The following NELL1 variants were observed in gnomAD, a reference collection of about 807,000 sequenced individuals.
NELL1 encodes protein kinase C-binding protein NELL1.
NELL1 carries 76 observed loss-of-function variants against 107.4 expected under a neutral mutation model. The ratio of observed to expected loss-of-function variants is 0.71; its 90% CI spans 0.59 to 0.86. The LOEUF is 0.86. Ranked by LOEUF, NELL1 falls within the 40% of genes least tolerant of loss-of-function variation. The pLI, the probability that NELL1 is intolerant of heterozygous loss-of-function variation, is 0.00. For missense variants in NELL1, 1,024 were observed against 1,005.5 expected (o/e 1.02, Z -0.25); for synonymous variants, 353 against 341.2 (o/e 1.03, Z -0.38).
intron 4 of NELL1, among the ~76,000 whole-genome samples, chr11:20,873,033 G>A (rs1849233992): frequency 6.6e-6 from 1 of 152,172 alleles, no homozygotes; most frequent in Non-Finnish European, 1.5e-5. Context: ...TATGTGAGCA[G>A]CAGGCTTTTG....
chr11:20,879,696 T>C (rs1564947250), intron 4 of NELL1, among the ~76,000 whole-genome samples: 1 of 152,166 alleles, frequency 6.6e-6, no homozygotes, highest in African/African-American at 2.4e-5. Context: ...TCCAATCTTA[T>C]GTGAGTTTAT....
chr11:20,951,789 C>T (rs1851073811), intron 11 of NELL1, among the ~76,000 whole-genome samples: 1 of 152,106 alleles, frequency 6.6e-6, no homozygotes, highest in Admixed American at 6.5e-5. Context: ...CCACCCAGAA[C>T]ATCCTTAATC....
chr11:21,519,165 C>T (rs769925350), intron 15 of NELL1, among the ~76,000 whole-genome samples: 1 of 152,196 alleles, frequency 6.6e-6, no homozygotes, highest in African/African-American at 2.4e-5. Flanking sequence ...CCCACTGCCA[C>T]TCCATCTCCA....
chr11:21,314,009 C>G lies in NELL1; in HGVS notation c.1550-56844C>G, dbSNP rs1471237716. Among the ~76,000 whole-genome samples the G allele has an allele frequency of 8.2e-4, 78 of 95,450 alleles. 4 individuals carry two copies. Among genetic ancestry groups the G allele is most frequent in the Non-Finnish European group, 1.4e-3 (66 of 47,700 alleles). The allele number at this position is 95,450 out of a possible 152,430, so 62.6% of individuals were successfully genotyped here. A position where few individuals can be genotyped will look rare whatever the true frequency, so the allele number is the denominator to read the frequency against. On this transcript the variant is annotated intron_variant, in intron 14 of 19. Transcript: ENST00000357134. The stretch of plus-strand genomic sequence containing the variant: ...TACACTCTGCCCCCCCCCCCCCCCC[C>G]GCGACCCCCACTTGCTCCTGCTTTT...
chr11:21,307,777 C>T (rs574224569), intron 14 of NELL1, among the ~76,000 whole-genome samples: 1 of 151,956 alleles, frequency 6.6e-6, no homozygotes, highest in East Asian at 1.9e-4. Flanking sequence ...AAAAGAGAGG[C>T]CTATATGAAC....
intron 12 of NELL1, among the ~76,000 whole-genome samples, chr11:21,001,537 A>G (rs1852221087): frequency 6.6e-6 from 1 of 151,788 alleles, no homozygotes; most frequent in African/African-American, 2.4e-5. Flanking sequence ...CTGGAGTTAC[A>G]TTCCAGATAT....
intron 15 of NELL1, among the ~76,000 whole-genome samples, chr11:21,435,503 G>GTT (rs71034522): frequency 5.6e-4 from 78 of 139,354 alleles, no homozygotes; most frequent in East Asian, 1.5e-3. Flanking sequence ...TTTGTTTTTT[G>GTT]TTTTTTTTTA....
rs192599781 is a variant in NELL1 at position 21,386,180 on chromosome 11, C to T, written c.1645+15232C>T. Among the ~76,000 whole-genome samples, 945 of 150,926 alleles carry T rather than the reference C, an allele frequency of 6.3e-3. 12 individuals carry two copies. Among genetic ancestry groups the T allele is most frequent in the African/African-American group, 0.021 (884 of 41,138 alleles). ...TTCCCTTTCTAATCACCCCCACCCC[C>T]GCCAAAAAAAAACCCTTCAAAGTAT... is the stretch of plus-strand genomic sequence containing the variant. On this transcript the variant is annotated intron_variant, in intron 15 of 19. Transcript: ENST00000357134.
intron 12 of NELL1, among the ~76,000 whole-genome samples, chr11:20,993,925 G>A (rs1852034683): frequency 6.6e-6 from 1 of 150,580 alleles, no homozygotes; most frequent in Non-Finnish European, 1.5e-5. Flanking sequence ...GTACGAATCA[G>A]GCATTACCAT....
intron 15 of NELL1, among the ~76,000 whole-genome samples, chr11:21,408,499 A>G (rs1488016545): frequency 2.6e-5 from 4 of 152,058 alleles, no homozygotes; most frequent in African/African-American, 9.7e-5. Flanking sequence ...AGACATATAG[A>G]TACTGGATCA....
chr11:20,707,403 T>C (rs759962848), intron 2 of NELL1, among the ~76,000 whole-genome samples: 9 of 152,250 alleles, frequency 5.9e-5, no homozygotes, highest in Non-Finnish European at 1.3e-4. Flanking sequence ...CTTTGTTCCA[T>C]TGCTGGCAAG....
intron 12 of NELL1, among the ~76,000 whole-genome samples, chr11:20,975,532 A>T (rs1283988822): frequency 6.9e-6 from 1 of 145,932 alleles, no homozygotes; most frequent in African/African-American, 2.5e-5. Context: ...TATATTCAAT[A>T]TATTATGTAT....
chr11:21,082,530 A>G (rs1449139692), intron 12 of NELL1, among the ~76,000 whole-genome samples: 1 of 151,998 alleles, frequency 6.6e-6, no homozygotes, highest in African/African-American at 2.4e-5. Context: ...TCCTCTCTAT[A>G]CTGTTAAATT....
At position 20,861,342 on chromosome 11, in the gene NELL1, G is replaced by T. The variant is rs140367262; in HGVS notation, c.506+13589G>T. 4.0e-3 allele frequency among the ~76,000 whole-genome samples: 609 copies of T among 152,046 alleles called. 4 individuals are homozygous for T. Among genetic ancestry groups the T allele is most frequent in the African/African-American group, 0.014 (570 of 41,450 alleles). ...CGGAATATCAGCCTGATTCACTATT[G>T]ATCTGCAGCGGGAACATATTCAGGA... On this transcript the variant is annotated intron_variant, in intron 4 of 19. Transcript: ENST00000357134.
chr11:20,832,655 T>G (rs997258902), intron 3 of NELL1, among the ~76,000 whole-genome samples: 1 of 152,224 alleles, frequency 6.6e-6, no homozygotes, highest in Non-Finnish European at 1.5e-5. Context: ...TGAGAATCAC[T>G]GTAGAAAATA....
At chr11:21,232,320 A>G (rs1362968199) in intron 14 of NELL1, among the ~76,000 whole-genome samples, 2 of 132,894 alleles carry the variant, frequency 1.5e-5, no homozygotes, top group African/African-American at 5.7e-5. Flanking sequence ...ACAGAGCAAC[A>G]CTCCATCTCA....
At position 21,314,004 on chromosome 11, in the gene NELL1, C is replaced by G. The variant is rs913579604; in HGVS notation, c.1550-56849C>G. Among the ~76,000 whole-genome samples the G allele has an allele frequency of 1.3e-3, 150 of 114,216 alleles. 8 individuals carry two copies. Among genetic ancestry groups the G allele is most frequent in the African/African-American group, 2.7e-3 (78 of 28,466 alleles). 74.9% of individuals were successfully genotyped at this position (114,216 alleles called of 152,430 possible). A position where few individuals can be genotyped will look rare whatever the true frequency, so the allele number is the denominator to read the frequency against. On this transcript the variant is annotated intron_variant, in intron 14 of 19. Coordinates refer to ENST00000357134, the MANE Select transcript of NELL1 (RefSeq NM_006157.5). ...GAACCTACACTCTGCCCCCCCCCCC[C>G]CCCCCGCGACCCCCACTTGCTCCTG... is the stretch of plus-strand genomic sequence containing the variant.
chr11:20,711,658 G>C (rs1362089660), intron 2 of NELL1, among the ~76,000 whole-genome samples: 1 of 151,946 alleles, frequency 6.6e-6, no homozygotes, highest in Non-Finnish European at 1.5e-5. Context: ...AGTTTTGCTG[G>C]AAAATTCTTG....
At chr11:21,124,856 C>T (rs1018529104) in intron 13 of NELL1, among the ~76,000 whole-genome samples, 8 of 152,088 alleles carry the variant, frequency 5.3e-5, no homozygotes, top group African/African-American at 1.9e-4. Context: ...CTGCCTCAGC[C>T]TCCCAAAGTG....
Sources: gnomAD v4.1 joint callset for allele counts (sites outside exome capture counted in the v4.1 genomes callset) on GRCh38, gnomAD v4.1.1 for gene constraint, MANE v1.5 for transcripts, NCBI Gene and HGNC (gene_info 2026-07-23, HGNC 2026-07-21) for gene names.